KDM4C: variants seen among roughly 807,000 people sequenced by gnomAD.
KDM4C encodes lysine demethylase 4C.
Under a neutral mutation model 129.3 loss-of-function variants are expected in KDM4C, and 81 were observed. The ratio of observed to expected loss-of-function variants is 0.63; its 90% CI spans 0.52 to 0.75. The LOEUF is 0.75. Ranked by LOEUF, KDM4C falls within the 30% of genes least tolerant of loss-of-function variation. The pLI, the probability that KDM4C is intolerant of heterozygous loss-of-function variation, is 0.00. For missense variants in KDM4C, 1,457 were observed against 1,304.0 expected, an observed-to-expected ratio of 1.12 and a Z score of -1.81; for synonymous variants, 573 against 456.1, an observed-to-expected ratio of 1.26 and a Z score of -3.26.
intron 21 of KDM4C, chr9:7,170,887 T>C: frequency 4.6e-6 from 1 of 218,746 alleles, no homozygotes; most frequent in Non-Finnish European, 6.4e-6. Context: ...TGGCCTCACA[T>C]AAACTACACT....
At chr9:6,730,897 C>G (rs1243532577) in intron 1 of KDM4C, among the ~76,000 whole-genome samples, 1 of 152,182 alleles carries the variant, frequency 6.6e-6, no homozygotes, top group Non-Finnish European at 1.5e-5. Context: ...AGACTCAGCT[C>G]TTGTTACAGG....
At chr9:6,789,218 ATTTTT>A (rs71308871) in intron 1 of KDM4C, among the ~76,000 whole-genome samples, 3 of 117,308 alleles carry the variant, frequency 2.6e-5, no homozygotes, top group South Asian at 5.9e-4. Context: ...CGCCTGGCTA[ATTTTT>A]TTTTTTTTTT....
At chr9:6,952,826 A>T (rs1009555853) in intron 8 of KDM4C, among the ~76,000 whole-genome samples, 25 of 152,326 alleles carry the variant, frequency 1.6e-4, no homozygotes, top group African/African-American at 5.5e-4. Flanking sequence ...TAAGATAAAT[A>T]GGTTAAATGT....
At chr9:6,817,195 G>GCCCCCCCCC (rs35527694) in intron 4 of KDM4C, among the ~76,000 whole-genome samples, 4 of 53,260 alleles carry the variant, frequency 7.5e-5, no homozygotes, top group Non-Finnish European at 1.3e-4. Flanking sequence ...CCCTCCCCCT[G>GCCCCCCCCC]CCCCCCCCCC....
chr9:6,969,939 G>T (rs1043126642), intron 8 of KDM4C, among the ~76,000 whole-genome samples: 3 of 152,186 alleles, frequency 2.0e-5, no homozygotes, highest in African/African-American at 2.4e-5. Flanking sequence ...AGAGATGACT[G>T]TTAGCTTCTG....
intron 12 of KDM4C, among the ~76,000 whole-genome samples, chr9:6,995,040 G>A (rs571260993): frequency 7.0e-5 from 10 of 142,348 alleles, no homozygotes; most frequent in Middle Eastern, 3.5e-3. Flanking sequence ...TACAGGCTAC[G>A]GTGGTCCTGA....
intron 4 of KDM4C, among the ~76,000 whole-genome samples, chr9:6,847,049 C>G (rs993014811): frequency 1.3e-5 from 2 of 152,070 alleles, no homozygotes; most frequent in Non-Finnish European, 2.9e-5. Context: ...TACCATGGGT[C>G]TAGGATGTCA....
chr9:6,816,658 C>T (rs993464913), intron 4 of KDM4C, among the ~76,000 whole-genome samples: 1 of 152,152 alleles, frequency 6.6e-6, no homozygotes, highest in Non-Finnish European at 1.5e-5. Flanking sequence ...TTTCAAGTTT[C>T]CTTTGCCCCA....
At chr9:6,806,264 G>T (rs946036415) in intron 3 of KDM4C, among the ~76,000 whole-genome samples, 1 of 152,114 alleles carries the variant, frequency 6.6e-6, no homozygotes, top group Admixed American at 6.6e-5. Context: ...GGAGGCCAAC[G>T]TGGGCGGATC....
In KDM4C at chr9:6,759,250, T is replaced by C. The variant is rs1032196354; in HGVS notation, c.-18+1047T>C. Among the ~76,000 whole-genome samples, 8 of 152,316 alleles carry C rather than the reference T, an allele frequency of 5.3e-5. No individual in the cohort carries two copies. In the South Asian group the frequency reaches 1.4e-3, roughly 28 times the overall value. On this transcript the variant is annotated intron_variant, in intron 1 of 21. Coordinates refer to ENST00000381309, the MANE Select transcript of KDM4C (RefSeq NM_015061.6). The stretch of plus-strand genomic sequence containing the variant: ...GGTTCACACTAAACTCTGCCCTATT[T>C]TCACCCATTTCAGTTTGCGGTATTT...
intron 1 of KDM4C, among the ~76,000 whole-genome samples, chr9:6,744,615 T>C (rs1013720900): frequency 6.6e-6 from 1 of 152,272 alleles, no homozygotes; most frequent in East Asian, 1.9e-4. Flanking sequence ...AGATTGGTCT[T>C]GAATTCCTGG....
chr9:7,104,464 G>C (rs1837454316), intron 18 of KDM4C: 1 of 152,212 alleles, frequency 6.6e-6, no homozygotes, highest in South Asian at 2.1e-4. Context: ...AAATAGAAAA[G>C]TAGAGGAGAA....
intron 15 of KDM4C, among the ~76,000 whole-genome samples, chr9:7,029,052 G>A (rs568347004): frequency 6.6e-6 from 1 of 152,238 alleles, no homozygotes; most frequent in South Asian, 2.1e-4. Flanking sequence ...TTTTTATACA[G>A]ATGGTTGTTA....
intron 3 of KDM4C, among the ~76,000 whole-genome samples, chr9:6,810,229 T>G (rs1397222906): frequency 1.3e-5 from 2 of 152,220 alleles, no homozygotes; most frequent in African/African-American, 4.8e-5. Context: ...ATATCTCTGT[T>G]AAATTATTAC....
At chr9:6,942,444 T>C (rs1454947631) in intron 8 of KDM4C, 1 of 151,854 alleles carries the variant, frequency 6.6e-6, no homozygotes, top group Non-Finnish European at 1.5e-5. Flanking sequence ...TAATTTTGTG[T>C]TTTGTTTCTT....
At chr9:6,888,164 G>T in intron 7 of KDM4C, 101 bp downstream of exon 7, 1 of 523,616 alleles carries the variant, frequency 1.9e-6, no homozygotes, top group Non-Finnish European at 3.3e-6. Context: ...TTAGGATGTG[G>T]GTAGAGAAAT....
At chr9:6,854,530 AAAAAAAAAAAAAAAAC>A (rs1490446291) in intron 5 of KDM4C, among the ~76,000 whole-genome samples, 1 of 145,420 alleles carries the variant, frequency 6.9e-6, no homozygotes, top group Non-Finnish European at 1.5e-5. Flanking sequence ...CGTCTCAAAA[AAAAAAAAAAAAAAAAC>A]AAAAAAAAAA....
chr9:6,971,239 A>G (rs1831932242), intron 8 of KDM4C, among the ~76,000 whole-genome samples: 2 of 152,082 alleles, frequency 1.3e-5, no homozygotes, highest in South Asian at 4.1e-4. Flanking sequence ...AGAAATATGG[A>G]TGGATAGTTG....
chr9:7,141,799 T>A (rs1330325645), intron 19 of KDM4C, among the ~76,000 whole-genome samples: 2 of 145,216 alleles, frequency 1.4e-5, no homozygotes, highest in African/African-American at 5.5e-5. Flanking sequence ...GTTATTAGGT[T>A]TTTTTTTTTT....
Sources: gnomAD v4.1 joint callset for allele counts (sites outside exome capture counted in the v4.1 genomes callset) on GRCh38, gnomAD v4.1.1 for gene constraint, MANE v1.5 for transcripts, NCBI Gene and HGNC (gene_info 2026-07-23, HGNC 2026-07-21) for gene names.